The following SH3RF1 variants were observed in gnomAD, a reference collection of about 807,000 sequenced individuals.
SH3RF1 encodes the protein SH3 domain containing ring finger 1.
SH3RF1 carries 32 observed loss-of-function variants against 74.0 expected under a neutral mutation model. The observed-to-expected ratio is 0.43, with a 90% CI of 0.33 to 0.58. The LOEUF is 0.58. SH3RF1 is among the 20% of genes least tolerant of loss of function. SH3RF1 has a pLI of 0.05. For synonymous variants in SH3RF1, 396 were observed against 439.6 expected (o/e 0.90, Z 1.24); for missense variants, 954 against 1,130.9 (o/e 0.84, Z 2.24).
chr4:169,203,851 A>C (rs1454209745), intron 2 of SH3RF1: 2 of 152,226 alleles, frequency 1.3e-5, no homozygotes, highest in African/African-American at 4.8e-5. Context: ...CATTACAGAA[A>C]ATAACGCAGA....
intron 2 of SH3RF1, among the ~76,000 whole-genome samples, chr4:169,237,161 G>A (rs182888134): frequency 3.9e-5 from 6 of 152,326 alleles, no homozygotes; most frequent in Non-Finnish European, 5.9e-5. Context: ...AACACCTGAC[G>A]TCTAGTAAGT....
intron 2 of SH3RF1, among the ~76,000 whole-genome samples, chr4:169,164,572 A>G (rs1454240722): frequency 6.6e-6 from 1 of 152,130 alleles, no homozygotes; most frequent in Non-Finnish European, 1.5e-5. Flanking sequence ...CATTTTTATT[A>G]CCATTTCCTA....
chr4:169,240,001 G>A (rs1438053220), intron 2 of SH3RF1, among the ~76,000 whole-genome samples: 2 of 152,006 alleles, frequency 1.3e-5, no homozygotes, highest in Non-Finnish European at 2.9e-5. Context: ...TCCAGCCTGG[G>A]CAACAGAGTG....
intron 2 of SH3RF1, among the ~76,000 whole-genome samples, chr4:169,207,571 TAAG>T (rs887146718): frequency 6.6e-6 from 1 of 152,202 alleles, no homozygotes; most frequent in African/African-American, 2.4e-5. Flanking sequence ...AACAATACCC[TAAG>T]AAGAACTGCC....
intron 4 of SH3RF1, among the ~76,000 whole-genome samples, chr4:169,137,079 G>T (rs1733713988): frequency 6.6e-6 from 1 of 152,180 alleles, no homozygotes; most frequent in South Asian, 2.1e-4. Context: ...TGGTAAAAAT[G>T]AGCAAGAAGA....
At chr4:169,103,086 A>ATTTT (rs60740517) in intron 11 of SH3RF1, among the ~76,000 whole-genome samples, 2 of 87,072 alleles carry the variant, frequency 2.3e-5, no homozygotes, top group Non-Finnish European at 4.3e-5. Context: ...GCGCCTGGCT[A>ATTTT]TTTTTTTTTT....
chr4:169,156,667 A>C lies in SH3RF1; in HGVS notation c.406T>G (p.Leu136Val). 2 of 1,602,558 alleles carry C rather than the reference A, an allele frequency of 1.2e-6. No individual in the cohort carries two copies. The highest frequency in any genetic ancestry group is 1.7e-6 in the Non-Finnish European group (2 of 1,173,928). ...WSPPVRGIPQLPCAKALYNYE... is the reference protein window; with the variant it reads ...WSPPVRGIPQVPCAKALYNYE... ...TTGTATAATGCTTTGGCACATGGTA[A>C]CTGAGGTATACCCTTTAAAAAAAAA... is the stretch of plus-strand genomic sequence containing the variant. Residue 136 changes from leucine to valine, a missense_variant, in exon 3 of 12, where the codon TTA becomes GTA. Physicochemically the swap from Leu to Val is conservative, Grantham distance 32. Coordinates refer to ENST00000284637, the MANE Select transcript of SH3RF1 (RefSeq NM_020870.4).
chr4:169,252,398 T>C (rs552698056), intron 2 of SH3RF1, among the ~76,000 whole-genome samples: 16 of 152,350 alleles, frequency 1.1e-4, no homozygotes, highest in African/African-American at 3.8e-4. Context: ...CAATATTCCA[T>C]AGGATCAGCT....
chr4:169,218,295 T>A (rs1172429468), intron 2 of SH3RF1, among the ~76,000 whole-genome samples: 1 of 124,924 alleles, frequency 8.0e-6, no homozygotes, highest in African/African-American at 2.9e-5. Context: ...ATATAATATA[T>A]AATATAAATA....
chr4:169,156,665 T>C lies in SH3RF1; in HGVS notation c.408A>G (p.Leu136=). ...WSPPVRGIPQ[L]PCAKALYNYE... Reference sequence around the variant, plus strand: ...AGTTGTATAATGCTTTGGCACATGGTAACTGAGGTATACCCTTTAAAAAAA... The same window carrying C: ...AGTTGTATAATGCTTTGGCACATGGCAACTGAGGTATACCCTTTAAAAAAA... Residue 136 remains leucine (L), a synonymous_variant, in exon 3 of 12, where the codon TTA becomes TTG. Coordinates refer to ENST00000284637, the MANE Select transcript of SH3RF1 (RefSeq NM_020870.4). The C allele has an allele frequency of 6.2e-7, 1 of 1,609,734 alleles. No homozygotes were observed. Among genetic ancestry groups the C allele is most frequent in the South Asian group, 1.1e-5 (1 of 90,638 alleles).
At chr4:169,213,910 T>C (rs978547196) in intron 2 of SH3RF1, among the ~76,000 whole-genome samples, 1 of 152,236 alleles carries the variant, frequency 6.6e-6, no homozygotes, top group Non-Finnish European at 1.5e-5. Context: ...ACTGGCTTGA[T>C]TGCTGTAGCT....
intron 11 of SH3RF1, among the ~76,000 whole-genome samples, chr4:169,098,043 G>A (rs947850561): frequency 6.6e-6 from 1 of 152,246 alleles, no homozygotes; most frequent in Non-Finnish European, 1.5e-5. Flanking sequence ...TCAGGCTGAT[G>A]TCTTGACTAC....
At chr4:169,214,478 A>G (rs899809828) in intron 2 of SH3RF1, among the ~76,000 whole-genome samples, 1 of 152,172 alleles carries the variant, frequency 6.6e-6, no homozygotes, top group Admixed American at 6.5e-5. Context: ...ACTTGTTTGG[A>G]TTTTGATTGG....
chr4:169,181,829 T>G (rs1474462436), intron 2 of SH3RF1, among the ~76,000 whole-genome samples: 1 of 152,228 alleles, frequency 6.6e-6, no homozygotes, highest in Non-Finnish European at 1.5e-5. Flanking sequence ...AAAAATGTTC[T>G]GTTATTTATG....
intron 2 of SH3RF1, among the ~76,000 whole-genome samples, chr4:169,179,573 T>C (rs993583638): frequency 9.2e-5 from 14 of 152,332 alleles, no homozygotes; most frequent in Admixed American, 7.8e-4. Context: ...CATAGCCTTG[T>C]ATCATACCTC....
chr4:169,129,922 A>C lies in SH3RF1; in HGVS notation c.1179+124T>G, dbSNP rs541004705. ...AAGATTAACAGAGATAATAGATGAAAGATAGATACCCACCTCACCTAACAA... is the reference window on the plus strand; with the variant it reads ...AAGATTAACAGAGATAATAGATGAACGATAGATACCCACCTCACCTAACAA... On this transcript the variant is annotated intron_variant, in intron 6 of 11. Transcript: ENST00000284637. 89 of 741,518 alleles carry C rather than the reference A, an allele frequency of 1.2e-4. No individual in the cohort carries two copies. The Admixed American group carries it at 1.5e-3, about 12-fold the overall frequency. 45.9% of individuals were successfully genotyped at this position (741,518 alleles called of 1,614,324 possible).
At chr4:169,096,735 T>TA in intron 11 of SH3RF1, 48 bp from the exon 12 acceptor site, 1 of 1,554,308 alleles carries the variant, frequency 6.4e-7, no homozygotes, top group Non-Finnish European at 8.7e-7. Context: ...GCAGTGATTT[T>TA]AAAAAATGGT....
intron 4 of SH3RF1, among the ~76,000 whole-genome samples, chr4:169,149,231 A>C (rs1733938490): frequency 6.6e-6 from 1 of 152,200 alleles, no homozygotes; most frequent in Non-Finnish European, 1.5e-5. Context: ...AAACTACCCT[A>C]AATCCTTACC....
chr4:169,148,692 C>T (rs2126961009), intron 4 of SH3RF1, among the ~76,000 whole-genome samples: 1 of 152,184 alleles, frequency 6.6e-6, no homozygotes, highest in Non-Finnish European at 1.5e-5. Context: ...AAACGGGGTA[C>T]TGTAGAAGTT....
Sources: gnomAD v4.1 joint callset for allele counts (sites outside exome capture counted in the v4.1 genomes callset) on GRCh38, gnomAD v4.1.1 for gene constraint, MANE v1.5 for transcripts, NCBI Gene and HGNC (gene_info 2026-07-23, HGNC 2026-07-21) for gene names.